Variants in KALRN observed in about 807,000 individuals in gnomAD.
KALRN encodes the protein kalirin.
In KALRN, 70 loss-of-function variants were observed where a neutral mutation model predicts 353.7. The observed-to-expected ratio is 0.20, with a 90% CI of 0.16 to 0.24. The LOEUF is 0.24. Ranked by LOEUF, KALRN falls within the 10% of genes least tolerant of loss-of-function variation. The pLI, the probability that KALRN is intolerant of heterozygous loss-of-function variation, is 1.00. For missense variants in KALRN, 2,791 were observed against 3,756.7 expected (o/e 0.74, Z 6.72); for synonymous variants, 1,391 against 1,434.8 (o/e 0.97, Z 0.69).
At chr3:124,330,438 C>A (rs1701402524) in intron 8 of KALRN, among the ~76,000 whole-genome samples, 1 of 151,952 alleles carries the variant, frequency 6.6e-6, no homozygotes, top group South Asian at 2.1e-4. Flanking sequence ...TTTTATGAAG[C>A]AGCTCATTAA....
At position 124,562,998 on chromosome 3, in the gene KALRN, G is replaced by A. The variant is rs375178166; in HGVS notation, c.5091G>A (p.Pro1697=). 2.3e-5 allele frequency: 31 copies of A among 1,367,786 alleles called. No homozygotes were observed. Among genetic ancestry groups the A allele is most frequent in the Middle Eastern group, 2.1e-4 (1 of 4,790 alleles). The allele number at this position is 1,367,786 out of a possible 1,614,324, so 84.7% of individuals were successfully genotyped here. Residue 1697 remains proline, a synonymous_variant, in exon 34 of 60, where the codon CCG becomes CCA. Coordinates refer to ENST00000682506, the MANE Select transcript of KALRN (RefSeq NM_001388419.1). ...WCLVRTTERS[P]PLEGLVPSSA... is the part of the protein sequence containing the mutation. ...TGGTCCGTACCACCGAACGGAGCCCGCCCTTGGAGGGTCTGGTCCCCAGCA... is the reference window on the plus strand; with the variant it reads ...TGGTCCGTACCACCGAACGGAGCCCACCCTTGGAGGGTCTGGTCCCCAGCA...
chr3:124,633,989 C>T lies in KALRN; in HGVS notation c.5568+36C>T, dbSNP rs75438989. ...TTTACTTGCTCACTTAAAAGAGCAA[C>T]GTGCCGTGCGTGATTTTGTTTTTTG... On this transcript the variant is annotated intron_variant, in intron 36 of 59. Transcript: ENST00000682506. 12,147 of 1,522,192 alleles carry T rather than the reference C, an allele frequency of 8.0e-3. 70 individuals are homozygous for T. Among genetic ancestry groups the T allele is most frequent in the Non-Finnish European group, 9.9e-3 (10,849 of 1,100,108 alleles). The allele number at this position is 1,522,192 out of a possible 1,614,324, so 94.3% of individuals were successfully genotyped here.
At chr3:124,717,419 G>A (rs1033696805) in intron 59 of KALRN, 34 bp downstream of exon 59, 3 of 1,523,218 alleles carry the variant, frequency 2.0e-6, no homozygotes, top group East Asian at 2.3e-5. Context: ...GGGCGCAGTG[G>A]CTCACGCCTG....
intron 34 of KALRN, among the ~76,000 whole-genome samples, chr3:124,614,936 G>T (rs987266149): frequency 6.6e-6 from 1 of 152,180 alleles, no homozygotes; most frequent in South Asian, 2.1e-4. Flanking sequence ...CTCTTCTCAT[G>T]TTTGTGATCA....
At chr3:124,449,451 A>G (rs936030215) in intron 21 of KALRN, among the ~76,000 whole-genome samples, 1 of 152,248 alleles carries the variant, frequency 6.6e-6, no homozygotes, top group African/African-American at 2.4e-5. Flanking sequence ...GTATTTTCCT[A>G]TTATGGGTTT....
At chr3:124,495,961 G>GTATATATATATA (rs1247326841) in intron 32 of KALRN, among the ~76,000 whole-genome samples, 1 of 37,894 alleles carries the variant, frequency 2.6e-5, no homozygotes, top group African/African-American at 1.0e-4. Context: ...GTATGTGTAT[G>GTATATATATATA]TATGTATATA....
At chr3:124,154,810 C>T (rs1427772734) in intron 1 of KALRN, among the ~76,000 whole-genome samples, 2 of 152,092 alleles carry the variant, frequency 1.3e-5, no homozygotes, top group African/African-American at 4.8e-5. Context: ...CAAGTCAATC[C>T]TAAGCCAAAA....
intron 1 of KALRN, among the ~76,000 whole-genome samples, chr3:124,185,383 A>G (rs771063601): frequency 6.6e-6 from 1 of 152,184 alleles, no homozygotes; most frequent in African/African-American, 2.4e-5. Flanking sequence ...CTTGGGCCCC[A>G]TGTTTATTCT....
chr3:124,245,568 T>C (rs11712021), intron 3 of KALRN, among the ~76,000 whole-genome samples: 49,430 of 152,010 alleles, frequency 0.33, 9,660 homozygotes, highest in East Asian at 0.67. Context: ...CTCTGTACTG[T>C]TTTCTGTAGT....
chr3:124,274,874 T>C (rs548274398), intron 5 of KALRN, among the ~76,000 whole-genome samples: 1 of 152,302 alleles, frequency 6.6e-6, no homozygotes, highest in South Asian at 2.1e-4. Context: ...CCTTCCTGCA[T>C]ATTCATTTTT....
intron 33 of KALRN, among the ~76,000 whole-genome samples, chr3:124,506,117 G>A (rs1005836642): frequency 1.1e-4 from 16 of 152,210 alleles, no homozygotes; most frequent in South Asian, 2.1e-4. Flanking sequence ...CAGTGAGGAC[G>A]TAATGTCCTC....
At chr3:124,372,039 T>C (rs964694499) in intron 10 of KALRN, among the ~76,000 whole-genome samples, 6 of 152,072 alleles carry the variant, frequency 3.9e-5, no homozygotes, top group African/African-American at 1.4e-4. Context: ...AGTGAGAACA[T>C]GAGATGTTTG....
Position 124,033,376 on chromosome 3 carries a change from A to ACAGGGCAG in KALRN, c.-361_-360insGCAGCAGG, listed in dbSNP as rs1699387774. Among the ~76,000 whole-genome samples, 1 of 151,586 alleles carries ACAGGGCAG rather than the reference A, an allele frequency of 6.6e-6. No homozygotes were observed. The highest frequency in any genetic ancestry group is 6.6e-5 in the Admixed American group (1 of 15,252). On this transcript the variant is annotated 5_prime_UTR_variant, in exon 1 of 60. Transcript: ENST00000682506. This position sits in a 1 kb window ranked among gnomAD's most constrained non-coding sequence, Gnocchi z 6.2. The stretch of plus-strand genomic sequence containing the variant: ...AGCGGAGCAGGGCTGAACAATAGAG[A>ACAGGGCAG]CAGGCAGACGGGCGAGCAGGAGAGC...
At chr3:124,410,205 C>T (rs1207474682) in intron 13 of KALRN, 2 of 532,906 alleles carry the variant, frequency 3.8e-6, no homozygotes, top group Non-Finnish European at 7.7e-6. Flanking sequence ...TTCTCCCTCA[C>T]CAGGACCGTC....
At chr3:124,680,611 A>G (rs1161356967) in intron 51 of KALRN, among the ~76,000 whole-genome samples, 2 of 152,230 alleles carry the variant, frequency 1.3e-5, no homozygotes, top group African/African-American at 2.4e-5. Context: ...ACCTAATCCC[A>G]GAGAAGTCCA....
At chr3:124,571,626 A>G (rs1250378174) in intron 34 of KALRN, among the ~76,000 whole-genome samples, 1 of 152,186 alleles carries the variant, frequency 6.6e-6, no homozygotes, top group Non-Finnish European at 1.5e-5. Context: ...TTCTCTCTGC[A>G]TCAGGTAATT....
At chr3:124,164,058 C>A (rs2070429776) in intron 1 of KALRN, 1 of 808,586 alleles carries the variant, frequency 1.2e-6, no homozygotes, top group Non-Finnish European at 1.5e-6. Flanking sequence ...GTTTTTATAG[C>A]TATCACTGCA....
intron 28 of KALRN, among the ~76,000 whole-genome samples, chr3:124,485,822 G>A (rs2062508966): frequency 6.6e-6 from 1 of 152,202 alleles, no homozygotes. Flanking sequence ...GGAGGTTGCA[G>A]TGAGCTGAGA....
intron 1 of KALRN, among the ~76,000 whole-genome samples, chr3:124,101,048 T>C (rs1446733318): frequency 1.3e-5 from 2 of 152,228 alleles, no homozygotes; most frequent in Admixed American, 6.5e-5. Flanking sequence ...GGAGAACACA[T>C]AGAACATTGC....
Sources: gnomAD v4.1 joint callset for allele counts (sites outside exome capture counted in the v4.1 genomes callset) on GRCh38, gnomAD v4.1.1 for gene constraint, Gnocchi (gnomAD v3.1) non-coding constraint, MANE v1.5 for transcripts, NCBI Gene and HGNC (gene_info 2026-07-23, HGNC 2026-07-21) for gene names.